MORC3: variants seen among roughly 807,000 people sequenced by gnomAD.
MORC3 encodes MORC family CW-type zinc finger 3, also known as MORC family CW-type zinc finger protein 3.
In MORC3, 31 loss-of-function variants were observed where a neutral mutation model predicts 109.1. The observed-to-expected ratio is 0.28, with a 90% CI of 0.21 to 0.38. The LOEUF is 0.38. MORC3 is among the 10% of genes least tolerant of loss of function. The pLI is 1.00. For synonymous variants in MORC3, 395 were observed against 380.7 expected, an observed-to-expected ratio of 1.04 and a Z score of -0.44; for missense variants, 867 against 1,135.8, an observed-to-expected ratio of 0.76 and a Z score of 3.40.
At chr21:36,353,386 G>GCC (rs1303124378) in intron 9 of MORC3, among the ~76,000 whole-genome samples, 2 of 148,542 alleles carry the variant, frequency 1.3e-5, no homozygotes, top group Non-Finnish European at 3.0e-5. Context: ...AAAAATCATG[G>GCC]CCGGGTGCCG....
chr21:36,337,246 G>C (rs2085384107), intron 3 of MORC3, among the ~76,000 whole-genome samples: 1 of 152,092 alleles, frequency 6.6e-6, no homozygotes, highest in South Asian at 2.1e-4. Flanking sequence ...TAGAGTTGTA[G>C]TATATTTATA....
chr21:36,368,662 G>A (rs2085808994), intron 14 of MORC3, among the ~76,000 whole-genome samples: 1 of 152,150 alleles, frequency 6.6e-6, no homozygotes, highest in African/African-American at 2.4e-5. Context: ...GATTGCTTGA[G>A]CTCAAGGAGT....
intron 1 of MORC3, among the ~76,000 whole-genome samples, chr21:36,325,067 A>C (rs1322280812): frequency 1.3e-5 from 2 of 152,212 alleles, no homozygotes; most frequent in Non-Finnish European, 2.9e-5. Flanking sequence ...TCATACATGA[A>C]TAGAGCTAGT....
At chr21:36,332,978 C>T (rs1344891400) in intron 1 of MORC3, among the ~76,000 whole-genome samples, 2 of 151,990 alleles carry the variant, frequency 1.3e-5, no homozygotes, top group South Asian at 2.1e-4. Flanking sequence ...TTAGTAGAGA[C>T]GGGTTTCACC....
At chr21:36,320,761 G>C (rs371358656) in intron 1 of MORC3, 1 of 163,638 alleles carries the variant, frequency 6.1e-6, no homozygotes, top group African/African-American at 2.4e-5. Flanking sequence ...GCCTGCGGGC[G>C]AGTGGAGTCA....
chr21:36,360,656 T>A, intron 12 of MORC3: 1 of 207,076 alleles, frequency 4.8e-6, no homozygotes, highest in Non-Finnish European at 9.8e-6. Flanking sequence ...ATAGGGAGAG[T>A]AGTTCTGTCT....
At chr21:36,369,985 G>A in intron 15 of MORC3, 109 bp downstream of exon 15, 1 of 1,297,654 alleles carries the variant, frequency 7.7e-7, no homozygotes, top group Non-Finnish European at 1.1e-6. Context: ...CCACCACTTG[G>A]GGAGGCCAAG....
At chr21:36,348,583 A>G (rs1601525911) in intron 8 of MORC3, among the ~76,000 whole-genome samples, 1 of 152,100 alleles carries the variant, frequency 6.6e-6, no homozygotes, top group East Asian at 1.9e-4. Context: ...AATTTTTTGT[A>G]TTTTTAGTAG....
chr21:36,335,556 T>A lies in MORC3; in HGVS notation c.113-1318T>A, dbSNP rs539014716. 2.6e-5 allele frequency among the ~76,000 whole-genome samples: 4 copies of A among 152,278 alleles called. No homozygotes were observed. The East Asian group carries it at 7.7e-4, about 29-fold the overall frequency. ...GTCTCGAACTCCTGACCTCAGGTGA[T>A]CCACCCACCTCTGCCTCCCAAACTG... On this transcript the variant is annotated intron_variant, in intron 2 of 16. Coordinates refer to ENST00000400485, the MANE Select transcript of MORC3 (RefSeq NM_015358.3).
At chr21:36,321,562 T>C (rs909512398) in intron 1 of MORC3, among the ~76,000 whole-genome samples, 4 of 151,794 alleles carry the variant, frequency 2.6e-5, no homozygotes, top group Non-Finnish European at 5.9e-5. Flanking sequence ...TTTTTTTTTT[T>C]AACCACTGAG....
intron 10 of MORC3, 74 bp downstream of exon 10, chr21:36,356,798 A>C: frequency 4.4e-6 from 4 of 907,412 alleles, no homozygotes; most frequent in Non-Finnish European, 6.6e-6. Flanking sequence ...GGGATTGTAC[A>C]ATGTTTCACA....
At chr21:36,358,881 G>T (rs1053873600) in intron 10 of MORC3, among the ~76,000 whole-genome samples, 1 of 151,924 alleles carries the variant, frequency 6.6e-6, no homozygotes, top group African/African-American at 2.4e-5. Flanking sequence ...GGGTTTCACC[G>T]TGTTAGCCAG....
intron 6 of MORC3, among the ~76,000 whole-genome samples, chr21:36,341,940 G>A (rs998519920): frequency 2.3e-4 from 35 of 152,046 alleles, no homozygotes; most frequent in African/African-American, 8.0e-4. Flanking sequence ...AAATTTTAAC[G>A]TATTTGCCCG....
intron 1 of MORC3, among the ~76,000 whole-genome samples, chr21:36,324,929 G>A (rs1396873931): frequency 2.0e-5 from 3 of 151,362 alleles, no homozygotes; most frequent in Admixed American, 6.6e-5. Flanking sequence ...GGCTGATCTT[G>A]AACTCCTGAC....
intron 1 of MORC3, among the ~76,000 whole-genome samples, chr21:36,327,957 A>G (rs1182775582): frequency 6.6e-6 from 1 of 151,598 alleles, no homozygotes; most frequent in Non-Finnish European, 1.5e-5. Context: ...GCTCACTGCA[A>G]CCTCTGCCTC....
At chr21:36,326,976 C>T (rs974025706) in intron 1 of MORC3, among the ~76,000 whole-genome samples, 11 of 151,450 alleles carry the variant, frequency 7.3e-5, no homozygotes, top group African/African-American at 1.2e-4. Flanking sequence ...CCACCACGCC[C>T]GGCTAATTTT....
rs1167660964 is a variant in MORC3 at position 36,375,146 on chromosome 21, C to G, written c.2670C>G (p.Leu890=). The stretch of plus-strand genomic sequence containing the variant: ...AGTTACATATTTGTATTTGCAGCCT[C>G]AAACTCCGATCTCTTCGAGTTAACG... ...ESVNHMDGES[L]KLRSLRVNVG... The change falls in exon 17 of 17, where the codon CTC becomes CTG. Residue 890 remains leucine (L), a synonymous_variant. Coordinates refer to ENST00000400485, the MANE Select transcript of MORC3 (RefSeq NM_015358.3). The G allele has an allele frequency of 5.0e-6, 8 of 1,610,906 alleles. No homozygotes were observed. The African/African-American group carries it at 9.4e-5, about 19-fold the overall frequency.
chr21:36,362,508 A>T (rs1167970470), intron 13 of MORC3, among the ~76,000 whole-genome samples: 1 of 152,006 alleles, frequency 6.6e-6, no homozygotes, highest in Non-Finnish European at 1.5e-5. Context: ...GTACCATTGC[A>T]CTGCGGTCTG....
intron 8 of MORC3, among the ~76,000 whole-genome samples, chr21:36,345,715 C>T (rs1040785633): frequency 3.3e-5 from 5 of 152,110 alleles, no homozygotes; most frequent in Admixed American, 6.6e-5. Context: ...CCACCGCACT[C>T]GGCCAGTTGT....
Sources: allele counts gnomAD v4.1 joint callset (sites outside exome capture counted in the v4.1 genomes callset), GRCh38; gene constraint gnomAD v4.1.1; transcripts MANE v1.5; gene names NCBI Gene and HGNC (gene_info 2026-07-23, HGNC 2026-07-21).